Variants in SLC24A3 observed in about 807,000 individuals in gnomAD.
SLC24A3 encodes solute carrier family 24 member 3.
A neutral mutation model predicts 75.8 loss-of-function variants in SLC24A3; 28 were observed. The ratio of observed to expected loss-of-function variants is 0.37; its 90% CI spans 0.27 to 0.51. The LOEUF is 0.51. Ranked by LOEUF, SLC24A3 falls within the 20% of genes least tolerant of loss-of-function variation. The pLI is 0.94. For synonymous variants in SLC24A3, 372 were observed against 334.1 expected, an observed-to-expected ratio of 1.11 and a Z score of -1.24; for missense variants, 663 against 847.8, an observed-to-expected ratio of 0.78 and a Z score of 2.71.
At chr20:19,277,480 C>G (rs865858325) in intron 1 of SLC24A3, among the ~76,000 whole-genome samples, 1 of 152,174 alleles carries the variant, frequency 6.6e-6, no homozygotes, top group Non-Finnish European at 1.5e-5. Flanking sequence ...CTCTTCCTAG[C>G]TCAGCAGGAG....
At chr20:19,249,152 T>G (rs1982578264) in intron 1 of SLC24A3, among the ~76,000 whole-genome samples, 1 of 152,116 alleles carries the variant, frequency 6.6e-6, no homozygotes, top group East Asian at 1.9e-4. Context: ...TAGATCCAAT[T>G]TCAATTTGTC....
chr20:19,594,030 G>T (rs1177651368), intron 6 of SLC24A3, among the ~76,000 whole-genome samples: 2 of 152,170 alleles, frequency 1.3e-5, no homozygotes, highest in East Asian at 3.9e-4. Context: ...TTCTGCACAG[G>T]CAGAGCCAGC....
At chr20:19,555,188 A>C (rs145628753) in intron 3 of SLC24A3, among the ~76,000 whole-genome samples, 1 of 152,272 alleles carries the variant, frequency 6.6e-6, no homozygotes, top group East Asian at 1.9e-4. Context: ...GAGCTAAGAG[A>C]CTCACAAAGA....
At chr20:19,516,613 G>A (rs1156539272) in intron 3 of SLC24A3, among the ~76,000 whole-genome samples, 1 of 152,212 alleles carries the variant, frequency 6.6e-6, no homozygotes, top group Non-Finnish European at 1.5e-5. Flanking sequence ...ATGTGGGGTG[G>A]GATGGCTGAA....
chr20:19,558,159 C>T (rs2030820062), intron 3 of SLC24A3, among the ~76,000 whole-genome samples: 1 of 152,122 alleles, frequency 6.6e-6, no homozygotes, highest in South Asian at 2.1e-4. Context: ...GTGTAAGAAA[C>T]ATGGGCTTAC....
intron 6 of SLC24A3, among the ~76,000 whole-genome samples, chr20:19,635,284 G>T (rs1035051658): frequency 6.6e-6 from 1 of 152,160 alleles, no homozygotes; most frequent in Non-Finnish European, 1.5e-5. Context: ...TGGTTGTATT[G>T]ATCCAGAGTA....
chr20:19,331,068 G>T (rs1383181495), intron 2 of SLC24A3, among the ~76,000 whole-genome samples: 1 of 152,206 alleles, frequency 6.6e-6, no homozygotes, highest in Non-Finnish European at 1.5e-5. Flanking sequence ...GAGGAGACCA[G>T]GGAGGTGGGA....
chr20:19,523,173 AAAC>A (rs1418699999), intron 3 of SLC24A3, among the ~76,000 whole-genome samples: 1 of 152,240 alleles, frequency 6.6e-6, no homozygotes, highest in Non-Finnish European at 1.5e-5. Flanking sequence ...GAAATTAAGA[AAAC>A]AAACTCATTT....
At chr20:19,392,557 C>A (rs1196244773) in intron 2 of SLC24A3, among the ~76,000 whole-genome samples, 5 of 152,150 alleles carry the variant, frequency 3.3e-5, no homozygotes, top group Non-Finnish European at 7.3e-5. Flanking sequence ...AGCAAGATTT[C>A]TCTCAATAAG....
chr20:19,664,825 A>G (rs761906472), intron 7 of SLC24A3, among the ~76,000 whole-genome samples: 1 of 152,204 alleles, frequency 6.6e-6, no homozygotes, highest in Non-Finnish European at 1.5e-5. Context: ...TCCTACTTCT[A>G]TGAAATATAG....
chr20:19,250,518 A>G (rs1201275099), intron 1 of SLC24A3, among the ~76,000 whole-genome samples: 1 of 152,174 alleles, frequency 6.6e-6, no homozygotes, highest in African/African-American at 2.4e-5. Flanking sequence ...TTGACCTGAG[A>G]ATTACCATAC....
chr20:19,708,979 G>A (rs2032959929), intron 15 of SLC24A3, among the ~76,000 whole-genome samples: 1 of 152,186 alleles, frequency 6.6e-6, no homozygotes, highest in Non-Finnish European at 1.5e-5. Context: ...ATTTCTAAGA[G>A]GAGGATCCAG....
At chr20:19,701,357 TA>T (rs11481137) in intron 15 of SLC24A3, among the ~76,000 whole-genome samples, 1 of 150,872 alleles carries the variant, frequency 6.6e-6, no homozygotes, top group Non-Finnish European at 1.5e-5. Flanking sequence ...ATATTTTTAT[TA>T]AAAAAAAACA....
intron 2 of SLC24A3, among the ~76,000 whole-genome samples, chr20:19,324,209 C>T (rs1381800037): frequency 2.0e-5 from 3 of 152,140 alleles, no homozygotes; most frequent in South Asian, 2.1e-4. Context: ...TTCACTGTGG[C>T]GGATGAGAAG....
chr20:19,598,448 T>C (rs2031478794), intron 6 of SLC24A3, among the ~76,000 whole-genome samples: 1 of 152,146 alleles, frequency 6.6e-6, no homozygotes, highest in Non-Finnish European at 1.5e-5. Context: ...CTCCCTCCCC[T>C]GACCCAACCA....
At chr20:19,337,865 G>T (rs1368762223) in intron 2 of SLC24A3, among the ~76,000 whole-genome samples, 2 of 152,242 alleles carry the variant, frequency 1.3e-5, no homozygotes, top group East Asian at 3.9e-4. Flanking sequence ...CTGGCTTTTG[G>T]CTGGCACTTG....
At chr20:19,229,766 T>C (rs1245254379) in intron 1 of SLC24A3, among the ~76,000 whole-genome samples, 1 of 152,196 alleles carries the variant, frequency 6.6e-6, no homozygotes. Context: ...GGCTGTGTCT[T>C]CATCTTTTTG....
At chr20:19,713,269 A>G in intron 15 of SLC24A3, among the ~76,000 whole-genome samples, 1 of 152,218 alleles carries the variant, frequency 6.6e-6, no homozygotes, top group Non-Finnish European at 1.5e-5. Flanking sequence ...AGATGGTATA[A>G]TTCTTCCAAC....
chr20:19,454,828 A>T (rs1883692), intron 2 of SLC24A3, among the ~76,000 whole-genome samples: 89,139 of 152,044 alleles, frequency 0.59, 28,887 homozygotes, highest in East Asian at 0.93. Context: ...AAGTGCAGGA[A>T]GGGTGAACTC....
Sources: gnomAD v4.1 joint callset for allele counts (sites outside exome capture counted in the v4.1 genomes callset) on GRCh38, gnomAD v4.1.1 for gene constraint, MANE v1.5 for transcripts, NCBI Gene and HGNC (gene_info 2026-07-23, HGNC 2026-07-21) for gene names.